The following FOXO3 variants were observed in gnomAD, a reference collection of about 807,000 sequenced individuals.
FOXO3 encodes forkhead box O3.
Under a neutral mutation model 41.9 loss-of-function variants are expected in FOXO3, and 4 were observed. That is an observed-to-expected ratio of 0.10 (90% confidence interval 0.05 to 0.22). The LOEUF (loss-of-function observed/expected upper bound fraction) is 0.22, where lower values mean the gene tolerates loss of function less well. Among genes scored for constraint, FOXO3 ranks in the 10% least tolerant of loss-of-function variants. The pLI is 1.00. For synonymous variants in FOXO3, 318 were observed against 389.3 expected, an observed-to-expected ratio of 0.82 and a Z score of 2.16; for missense variants, 534 against 906.8, an observed-to-expected ratio of 0.59 and a Z score of 5.28.
At chr6:108,560,857 G>T (rs558550170), upstream of FOXO3, 3 of 753,324 alleles carry the variant, frequency 4.0e-6, no homozygotes, top group East Asian at 7.2e-5. Context: ...GGGGGGAGGG[G>T]GCTGCCCCGC....
chr6:108,586,411 G>T (rs1344351208), intron 1 of FOXO3, among the ~76,000 whole-genome samples: 1 of 152,144 alleles, frequency 6.6e-6, no homozygotes, highest in African/African-American at 2.4e-5. Context: ...TTGAAACTTG[G>T]TTCTCTGAGG....
intron 2 of FOXO3, among the ~76,000 whole-genome samples, chr6:108,672,470 CTG>C (rs1297911627): frequency 6.6e-6 from 1 of 152,202 alleles, no homozygotes; most frequent in Non-Finnish European, 1.5e-5. Flanking sequence ...CCACTGGACA[CTG>C]GGATGCAGGT....
At chr6:108,618,351 C>CACAT (rs1777572689) in intron 1 of FOXO3, 1 of 572,902 alleles carries the variant, frequency 1.7e-6, no homozygotes, top group Non-Finnish European at 3.2e-6. Flanking sequence ...ACTGAACGAG[C>CACAT]ACATGAGCAG....
chr6:108,565,236 C>G (rs1775920704), intron 1 of FOXO3, among the ~76,000 whole-genome samples: 1 of 152,154 alleles, frequency 6.6e-6, no homozygotes, highest in Admixed American at 6.5e-5. Context: ...AGAAGGATAG[C>G]ATTTTAACAA....
At chr6:108,677,289 A>G (rs1770646267) in intron 2 of FOXO3, among the ~76,000 whole-genome samples, 1 of 152,178 alleles carries the variant, frequency 6.6e-6, no homozygotes. Flanking sequence ...GAAGGAATGG[A>G]TATTAAGCCT....
At chr6:108,628,625 G>A (rs1777877072) in intron 1 of FOXO3, among the ~76,000 whole-genome samples, 1 of 152,194 alleles carries the variant, frequency 6.6e-6, no homozygotes, top group Non-Finnish European at 1.5e-5. Context: ...TCCAGGTCCA[G>A]TTGCTGAATC....
chr6:108,658,091 C>T (rs1203876319), intron 1 of FOXO3, among the ~76,000 whole-genome samples: 1 of 152,050 alleles, frequency 6.6e-6, no homozygotes, highest in Non-Finnish European at 1.5e-5. Flanking sequence ...GGAACCAGTC[C>T]CCTGCGTATA....
intron 1 of FOXO3, among the ~76,000 whole-genome samples, chr6:108,639,834 C>A (rs957334181): frequency 1.4e-4 from 21 of 152,276 alleles, no homozygotes; most frequent in African/African-American, 5.1e-4. Context: ...GTAGATTTTA[C>A]TTTCTAAATA....
intron 1 of FOXO3, among the ~76,000 whole-genome samples, chr6:108,634,019 G>A (rs543703479): frequency 6.6e-6 from 1 of 152,210 alleles, no homozygotes; most frequent in South Asian, 2.1e-4. Context: ...CTTTTGTTAA[G>A]GAGGCCTTGT....
rs747294855 is a variant in FOXO3, at chr6:108,664,459, C to A, written c.1626C>A (p.Gly542=). ...NLLHHQHQTQ[G]ALGGSRALSN... ...TCCACCACCAGCACCAAACCCAGGG[C>A]GCTCTTGGTGGCAGCCGTGCCTTGT... is the stretch of plus-strand genomic sequence containing the variant. The change falls in exon 2 of 3, where the codon GGC becomes GGA. Residue 542 remains glycine (G), a synonymous_variant. Transcript: ENST00000406360. The A allele has an allele frequency of 1.9e-6, 3 of 1,609,812 alleles. No individual in the cohort carries two copies. The highest frequency in any genetic ancestry group is 1.7e-4 in the Middle Eastern group (1 of 6,052).
chr6:108,655,409 T>C lies in FOXO3; in HGVS notation c.622-8046T>C, dbSNP rs113788251. ...GGACTTAAAGGAAGTTACTGTGCTATGTTACCAGATCTAAGGAGACTGGGA... is the reference window on the plus strand; with the variant it reads ...GGACTTAAAGGAAGTTACTGTGCTACGTTACCAGATCTAAGGAGACTGGGA... On this transcript the variant is annotated intron_variant, in intron 1 of 2. Coordinates refer to ENST00000406360, the MANE Select transcript of FOXO3 (RefSeq NM_001455.4). Among the ~76,000 whole-genome samples the C allele has an allele frequency of 6.8e-3, 1,040 of 152,346 alleles. 15 individuals are homozygous for C. Among genetic ancestry groups the C allele is most frequent in the African/African-American group, 0.024 (1,001 of 41,572 alleles).
rs779035445 is a variant in FOXO3 at position 108,561,223 on chromosome 6, G to C, written c.15G>C (p.Pro5=). The C allele has an allele frequency of 4.5e-6, 7 of 1,546,726 alleles. No homozygotes were observed. In the South Asian group the frequency reaches 6.0e-5, roughly 13 times the overall value. Residue 5 remains proline, a synonymous_variant, in exon 1 of 3, where the codon CCG becomes CCC. Transcript: ENST00000406360. ...GGGCGGCGAAGATGGCAGAGGCACC[G>C]GCTTCCCCGGCCCCGCTCTCTCCGC... is the stretch of plus-strand genomic sequence containing the variant. The part of the protein sequence containing the change: MAEA[P]ASPAPLSPLE...
At chr6:108,649,002 A>G (rs934416324) in intron 1 of FOXO3, among the ~76,000 whole-genome samples, 3 of 106,636 alleles carry the variant, frequency 2.8e-5, no homozygotes, top group African/African-American at 7.0e-5. Context: ...GTGGGAACCT[A>G]TCTCTTAAAA....
intron 1 of FOXO3, among the ~76,000 whole-genome samples, chr6:108,580,799 G>T (rs1316013054): frequency 1.3e-5 from 2 of 152,206 alleles, no homozygotes; most frequent in African/African-American, 4.8e-5. Context: ...CCCATAGAAA[G>T]AACAGAGTTG....
intron 1 of FOXO3, among the ~76,000 whole-genome samples, chr6:108,593,792 C>G (rs1776798752): frequency 7.1e-6 from 1 of 141,642 alleles, no homozygotes; most frequent in Admixed American, 7.3e-5. Context: ...TCTTGGCTCA[C>G]TGCAACCTCT....
intron 1 of FOXO3, among the ~76,000 whole-genome samples, chr6:108,566,011 A>C (rs1378148667): frequency 6.6e-6 from 1 of 152,128 alleles, no homozygotes; most frequent in Non-Finnish European, 1.5e-5. Flanking sequence ...GTGTTGCCAA[A>C]ATGTCGTTTT....
chr6:108,662,327 G>A (rs965029920), intron 1 of FOXO3, among the ~76,000 whole-genome samples: 1 of 152,108 alleles, frequency 6.6e-6, no homozygotes, highest in South Asian at 2.1e-4. Context: ...TATTGACCCC[G>A]ATCACCTACT....
chr6:108,595,460 T>TTAA (rs1277856961), intron 1 of FOXO3, among the ~76,000 whole-genome samples: 1 of 152,250 alleles, frequency 6.6e-6, no homozygotes, highest in East Asian at 1.9e-4. Flanking sequence ...TTTTCATTTT[T>TTAA]TAATAACTCG....
chr6:108,567,155 A>G (rs1055053782), intron 1 of FOXO3, among the ~76,000 whole-genome samples: 1 of 152,022 alleles, frequency 6.6e-6, no homozygotes, highest in Admixed American at 6.6e-5. Flanking sequence ...TTACATCTGT[A>G]TTTCTGCTTT....
Sources: allele counts gnomAD v4.1 joint callset (sites outside exome capture counted in the v4.1 genomes callset), GRCh38; gene constraint gnomAD v4.1.1; transcripts MANE v1.5; gene names NCBI Gene and HGNC (gene_info 2026-07-23, HGNC 2026-07-21).